The following ARSG variants were observed in gnomAD, a reference collection of about 807,000 sequenced individuals.
ARSG encodes ASG.
Under a neutral mutation model 50.5 loss-of-function variants are expected in ARSG, and 37 were observed. That is an observed-to-expected ratio of 0.73 (90% CI 0.56 to 0.96). The LOEUF (loss-of-function observed/expected upper bound fraction) is 0.96. Ranked by LOEUF, ARSG falls within the 50% of genes least tolerant of loss-of-function variation. ARSG has a pLI of 0.00. For synonymous variants in ARSG, 225 were observed against 254.6 expected (o/e 0.88, Z 1.11); for missense variants, 629 against 675.3 (o/e 0.93, Z 0.76).
chr17:68,426,242 T>TGGGGG (rs754701731), downstream of ARSG: 215 of 682,588 alleles, frequency 3.1e-4, 47 homozygotes, highest in Admixed American at 7.1e-4. Context: ...ACCTGGCGGG[T>TGGGGG]GGGGAGCGGG....
chr17:68,424,274 G>A (rs369232831), downstream of ARSG, among the ~76,000 whole-genome samples: 9 of 152,296 alleles, frequency 5.9e-5, no homozygotes, highest in East Asian at 1.5e-3. Context: ...AGCCAGAAAT[G>A]TAAAAGCTCA....
rs1024127986 is a variant in ARSG, at chr17:68,330,750, C to T, written c.219-12854C>T. Among the ~76,000 whole-genome samples, 24 of 152,074 alleles carry T rather than the reference C, an allele frequency of 1.6e-4. 1 individual carries two copies. Among genetic ancestry groups the T allele is most frequent in the Non-Finnish European group, 3.1e-4 (21 of 68,004 alleles). ...CCCTGAGACCAACAAGCAGTTTTCT[C>T]CTGGCCTGGGAAGCCCATTGGGCTG... On this transcript the variant is annotated intron_variant, in intron 2 of 11. Transcript: ENST00000621439.
At chr17:68,353,152 G>GCAAAAGTA (rs2078879230) in intron 5 of ARSG, among the ~76,000 whole-genome samples, 1 of 151,818 alleles carries the variant, frequency 6.6e-6, no homozygotes, top group Non-Finnish European at 1.5e-5. Context: ...TTAGGTTGGT[G>GCAAAAGTA]CAAAAGTAAT....
intron 1 of ARSG, among the ~76,000 whole-genome samples, chr17:68,266,520 A>G (rs1313054235): frequency 6.8e-6 from 1 of 147,690 alleles, no homozygotes; most frequent in African/African-American, 2.5e-5. Context: ...AAGACATAAA[A>G]AAGTTTAGGC....
At chr17:68,352,610 A>G (rs1735603049) in intron 5 of ARSG, among the ~76,000 whole-genome samples, 1 of 151,772 alleles carries the variant, frequency 6.6e-6, no homozygotes, top group African/African-American at 2.4e-5. Flanking sequence ...CCCTGGTTCA[A>G]GAGATTCTCT....
At position 68,297,635 on chromosome 17, in the gene ARSG, A is replaced by C. The variant is rs531857741; in HGVS notation, c.-552+6067A>C. Among the ~76,000 whole-genome samples, 3 of 152,236 alleles carry C rather than the reference A, an allele frequency of 2.0e-5. No homozygotes were observed. In the East Asian group the frequency reaches 5.8e-4, roughly 29 times the overall value. On this transcript the variant is annotated intron_variant, in intron 1 of 11. Transcript: ENST00000621439. ...TTTTATCTTTTTTTAAAATTAAAAA[A>C]ATTTTTTTTCTAATAGAGATGGGGT...
At chr17:68,388,428 C>G (rs531784991) in intron 9 of ARSG, among the ~76,000 whole-genome samples, 2 of 152,144 alleles carry the variant, frequency 1.3e-5, no homozygotes, top group South Asian at 2.1e-4. Flanking sequence ...CAAATGTCCC[C>G]GGGGAGAATG....
chr17:68,393,299 C>G (rs2081081499), intron 9 of ARSG, among the ~76,000 whole-genome samples: 1 of 152,170 alleles, frequency 6.6e-6, no homozygotes, highest in Non-Finnish European at 1.5e-5. Context: ...GTGGTGAAGT[C>G]TGGCACCATC....
At chr17:68,277,688 TCA>T in intron 1 of ARSG, among the ~76,000 whole-genome samples, 1 of 152,062 alleles carries the variant, frequency 6.6e-6, no homozygotes, top group East Asian at 1.9e-4. Context: ...CCTTGACCTC[TCA>T]AAGTGCTTAC....
At chr17:68,260,433 A>C (rs2075055178) in intron 1 of ARSG, among the ~76,000 whole-genome samples, 1 of 152,180 alleles carries the variant, frequency 6.6e-6, no homozygotes, top group South Asian at 2.1e-4. Flanking sequence ...GGGTTGCTCA[A>C]AGTTGGAGAA....
the ARSG span, among the ~76,000 whole-genome samples, chr17:68,429,606 T>G: frequency 6.6e-6 from 1 of 152,144 alleles, no homozygotes. Flanking sequence ...TTTTCTTTTT[T>G]GAGATGGAGT....
In ARSG at chr17:68,367,192, G is replaced by A. The variant is rs1389357070; in HGVS notation, c.705-1356G>A. On this transcript the variant is annotated intron_variant, in intron 6 of 11. Transcript: ENST00000621439. The surrounding 1 kb of genome is among the most constrained non-coding windows in gnomAD (Gnocchi z 4.5). ...CAGAGAAAGTGTGGATTAAAATGGG[G>A]AAGGCAGACGCCCCTGTCTTGGGAC... 6.6e-6 allele frequency among the ~76,000 whole-genome samples: 1 copy of A among 152,218 alleles called. No individual in the cohort carries two copies. The highest frequency in any genetic ancestry group is 1.9e-4 in the East Asian group (1 of 5,204).
intron 9 of ARSG, among the ~76,000 whole-genome samples, chr17:68,389,166 C>T (rs2080874743): frequency 6.6e-6 from 1 of 152,100 alleles, no homozygotes; most frequent in Non-Finnish European, 1.5e-5. Context: ...TGTCGCCTTT[C>T]CAAGTCCTCT....
At chr17:68,302,680 C>T (rs570755269) in intron 1 of ARSG, among the ~76,000 whole-genome samples, 188 of 152,290 alleles carry the variant, frequency 1.2e-3, no homozygotes, top group Middle Eastern at 3.4e-3. Context: ...CTTAGCAGCC[C>T]TGCTTTAAAA....
At chr17:68,375,296 C>T (rs1332455342) in intron 8 of ARSG, among the ~76,000 whole-genome samples, 1 of 152,190 alleles carries the variant, frequency 6.6e-6, no homozygotes, top group Non-Finnish European at 1.5e-5. Flanking sequence ...GAGTGTAGAA[C>T]TTTCAACTTT....
At chr17:68,388,653 G>A (rs1290306504) in intron 9 of ARSG, among the ~76,000 whole-genome samples, 1 of 152,162 alleles carries the variant, frequency 6.6e-6, no homozygotes, top group Non-Finnish European at 1.5e-5. Context: ...AAGGCCGGAC[G>A]CAGTGGCTCA....
At chr17:68,317,442 GA>G (rs1276524380) in intron 2 of ARSG, among the ~76,000 whole-genome samples, 1 of 151,514 alleles carries the variant, frequency 6.6e-6, no homozygotes, top group African/African-American at 2.4e-5. Context: ...TTGACTACAT[GA>G]AAAATAATGA....
chr17:68,292,288 CG>C (rs2076037001), intron 1 of ARSG, among the ~76,000 whole-genome samples: 1 of 152,140 alleles, frequency 6.6e-6, no homozygotes, highest in African/African-American at 2.4e-5. Context: ...CCCATACCCG[CG>C]GGGAGCCCTC....
rs2080405630 is a variant in ARSG at position 68,381,013 on chromosome 17, T to C, written c.983-4051T>C. Among the ~76,000 whole-genome samples the C allele has an allele frequency of 6.6e-6, 1 of 152,136 alleles. No individual in the cohort carries two copies. Among genetic ancestry groups the C allele is most frequent in the Non-Finnish European group, 1.5e-5 (1 of 68,018 alleles). ...TAGAATCAGAGCCCCACCCCAGACT[T>C]ATTAAATTAGAATTCCTGGGAATAG... On this transcript the variant is annotated intron_variant, in intron 8 of 11. Coordinates refer to ENST00000621439, the MANE Select transcript of ARSG (RefSeq NM_001267727.2). This position sits in a 1 kb window ranked among gnomAD's most constrained non-coding sequence, Gnocchi z 4.1.
Sources: allele counts gnomAD v4.1 joint callset (sites outside exome capture counted in the v4.1 genomes callset), GRCh38; gene constraint gnomAD v4.1.1; non-coding constraint Gnocchi (gnomAD v3.1); transcripts MANE v1.5; gene names NCBI Gene and HGNC (gene_info 2026-07-23, HGNC 2026-07-21).